Variants in PPM1H observed in about 807,000 individuals in gnomAD.
PPM1H encodes protein phosphatase, Mg2+/Mn2+ dependent 1H.
PPM1H carries 27 observed loss-of-function variants against 54.9 expected under a neutral mutation model. The ratio of observed to expected loss-of-function variants is 0.49; its 90% CI spans 0.36 to 0.68. The LOEUF is 0.68. PPM1H is among the 30% of genes least tolerant of loss of function. The pLI is 0.00. For missense variants in PPM1H, 596 were observed against 667.8 expected (o/e 0.89, Z 1.19); for synonymous variants, 305 against 270.8 (o/e 1.13, Z -1.24).
intron 1 of PPM1H, among the ~76,000 whole-genome samples, chr12:62,925,006 G>A (rs111321461): frequency 0.087 from 13,195 of 152,168 alleles, 721 homozygotes; most frequent in East Asian, 0.22. Context: ...TCACACCACT[G>A]CACTCCAGCC....
chr12:62,811,304 T>C (rs1467725308), intron 2 of PPM1H, among the ~76,000 whole-genome samples: 1 of 152,230 alleles, frequency 6.6e-6, no homozygotes, highest in Non-Finnish European at 1.5e-5. Context: ...TATAGCACTG[T>C]ATTCAGCACA....
intron 2 of PPM1H, among the ~76,000 whole-genome samples, chr12:62,828,871 G>A (rs563078954): frequency 6.6e-6 from 1 of 151,626 alleles, no homozygotes; most frequent in East Asian, 1.9e-4. Context: ...CTAATCATTA[G>A]GGAAATGCAA....
chr12:62,683,033 TTTATTATTATTA>T (rs71086626), intron 8 of PPM1H, among the ~76,000 whole-genome samples: 14,385 of 133,502 alleles, frequency 0.11, 853 homozygotes, highest in East Asian at 0.14. Flanking sequence ...GAGTTTATTA[TTTATTATTATTA>T]TTATTATTAT....
chr12:62,777,556 TGC>T (rs2076618476), intron 4 of PPM1H, among the ~76,000 whole-genome samples: 1 of 152,228 alleles, frequency 6.6e-6, no homozygotes, highest in Non-Finnish European at 1.5e-5. Context: ...GTTTATCATA[TGC>T]AAACCGAGGA....
At chr12:62,755,762 C>G in intron 4 of PPM1H, 1 of 921,822 alleles carries the variant, frequency 1.1e-6, no homozygotes, top group Non-Finnish European at 1.7e-6. Flanking sequence ...GACCACAGTC[C>G]ATGCCATCAC....
chr12:62,644,443 T>C lies in PPM1H; in HGVS notation c.*4046A>G, dbSNP rs148338806. ...CTTCAAGTACATCACAGTAGAAAACTACAGCACATTTACAGCCTTATTTGG... is the reference window on the plus strand; with the variant it reads ...CTTCAAGTACATCACAGTAGAAAACCACAGCACATTTACAGCCTTATTTGG... On this transcript the variant is annotated 3_prime_UTR_variant, in exon 10 of 10. Coordinates refer to ENST00000228705, the MANE Select transcript of PPM1H (RefSeq NM_020700.2). 1.6e-3 allele frequency: 251 copies of C among 152,350 alleles called. 1 individual carries two copies. The highest frequency in any genetic ancestry group is 5.9e-3 in the African/African-American group (247 of 41,584). The allele number at this position is 152,350 out of a possible 1,614,324, so 9.4% of individuals were successfully genotyped here. A position where few individuals can be genotyped will look rare whatever the true frequency, so the allele number is the denominator to read the frequency against.
intron 1 of PPM1H, among the ~76,000 whole-genome samples, chr12:62,859,278 A>C (rs1869510160): frequency 6.6e-6 from 1 of 152,182 alleles, no homozygotes; most frequent in African/African-American, 2.4e-5. Context: ...TGTAAAAAGC[A>C]AGGTCAGATC....
chr12:62,780,237 CT>C (rs1443146500), intron 4 of PPM1H, among the ~76,000 whole-genome samples: 1 of 152,094 alleles, frequency 6.6e-6, no homozygotes, highest in Non-Finnish European at 1.5e-5. Context: ...ATTAAATTTA[CT>C]GTCTACTTAA....
At chr12:62,720,042 G>C (rs1224849262) in intron 6 of PPM1H, 129 bp downstream of exon 6, 5 of 760,938 alleles carry the variant, frequency 6.6e-6, no homozygotes, top group Non-Finnish European at 8.7e-6. Context: ...GTACCCCCTT[G>C]TCTTTTACCA....
intron 3 of PPM1H, among the ~76,000 whole-genome samples, chr12:62,795,262 C>A (rs1322742969): frequency 1.3e-5 from 2 of 152,058 alleles, no homozygotes; most frequent in Non-Finnish European, 2.9e-5. Flanking sequence ...ACTTTTTCCC[C>A]AGAAATAGGT....
chr12:62,869,700 T>A (rs961845042), intron 1 of PPM1H, among the ~76,000 whole-genome samples: 1 of 152,206 alleles, frequency 6.6e-6, no homozygotes, highest in Admixed American at 6.5e-5. Context: ...TGGGATAAAA[T>A]TCAAAGTTCC....
intron 1 of PPM1H, among the ~76,000 whole-genome samples, chr12:62,838,583 T>G (rs1337577405): frequency 6.6e-6 from 1 of 152,078 alleles, no homozygotes; most frequent in Non-Finnish European, 1.5e-5. Flanking sequence ...GTAACAGCCA[T>G]CAGCAAATCC....
chr12:62,757,851 T>C (rs1388503620), intron 4 of PPM1H, among the ~76,000 whole-genome samples: 1 of 152,208 alleles, frequency 6.6e-6, no homozygotes, highest in African/African-American at 2.4e-5. Flanking sequence ...AACACAATTA[T>C]TATCTTATTC....
intron 9 of PPM1H, among the ~76,000 whole-genome samples, chr12:62,656,236 C>T (rs2075843427): frequency 6.6e-6 from 1 of 152,200 alleles, no homozygotes; most frequent in Admixed American, 6.5e-5. Flanking sequence ...GCTTTCCCAC[C>T]ATCCAGATGG....
chr12:62,905,303 C>T (rs1252787912), intron 1 of PPM1H, among the ~76,000 whole-genome samples: 2 of 151,938 alleles, frequency 1.3e-5, no homozygotes, highest in African/African-American at 2.4e-5. Flanking sequence ...TATCTTGGGG[C>T]GGGGAAAGTT....
intron 2 of PPM1H, among the ~76,000 whole-genome samples, chr12:62,817,151 C>CAAAAAAAAAAAAAAAAAAAAAAAA (rs1565797674): frequency 1.7e-5 from 1 of 58,926 alleles, no homozygotes; most frequent in Non-Finnish European, 3.4e-5. Flanking sequence ...AAAAAAAAAA[C>CAAAAAAAAAAAAAAAAAAAAAAAA]TAAAAAAAAG....
chr12:62,910,990 C>T (rs1254386319), intron 1 of PPM1H, among the ~76,000 whole-genome samples: 2 of 152,092 alleles, frequency 1.3e-5, no homozygotes, highest in Non-Finnish European at 1.5e-5. Flanking sequence ...TGGCAGGCTC[C>T]GCAAACTGGG....
At chr12:62,765,041 T>C (rs1204767653) in intron 4 of PPM1H, among the ~76,000 whole-genome samples, 3 of 152,126 alleles carry the variant, frequency 2.0e-5, no homozygotes, top group Non-Finnish European at 4.4e-5. Context: ...ATGAGCTCAG[T>C]AGTCATCTCT....
chr12:62,763,333 C>T (rs1022717049), intron 4 of PPM1H, among the ~76,000 whole-genome samples: 1 of 152,210 alleles, frequency 6.6e-6, no homozygotes, highest in Non-Finnish European at 1.5e-5. Context: ...CCATGGCCAT[C>T]AACCGCACAC....
Sources: allele counts gnomAD v4.1 joint callset (sites outside exome capture counted in the v4.1 genomes callset), GRCh38; gene constraint gnomAD v4.1.1; transcripts MANE v1.5; gene names NCBI Gene and HGNC (gene_info 2026-07-23, HGNC 2026-07-21).